ARHGAP26: variants seen among roughly 807,000 people sequenced by gnomAD.
The protein encoded by ARHGAP26 is rho GTPase-activating protein 26.
Under a neutral mutation model 104.8 loss-of-function variants are expected in ARHGAP26, and 38 were observed. That is an observed-to-expected ratio of 0.36 (90% CI 0.28 to 0.48). ARHGAP26 has a LOEUF of 0.48. ARHGAP26 is among the 20% of genes least tolerant of loss of function. The probability of loss-of-function intolerance (pLI) is 0.99; values close to 1 mark genes in which losing one functional copy is unlikely to be tolerated. For missense variants in ARHGAP26, 704 were observed against 947.9 expected (o/e 0.74, Z 3.38); for synonymous variants, 341 against 340.0 (o/e 1.00, Z -0.03).
chr5:143,085,044 CAA>C (rs56852430), intron 17 of ARHGAP26, among the ~76,000 whole-genome samples: 14 of 61,652 alleles, frequency 2.3e-4, no homozygotes, highest in African/African-American at 5.4e-4. Flanking sequence ...GACTCCATCT[CAA>C]AAAAAAAAAA....
intron 20 of ARHGAP26, among the ~76,000 whole-genome samples, chr5:143,192,156 C>T (rs930411132): frequency 3.3e-5 from 5 of 152,102 alleles, no homozygotes; most frequent in Admixed American, 2.0e-4. Flanking sequence ...AGCATCAAGA[C>T]GGGAAGAAAA....
intron 1 of ARHGAP26, among the ~76,000 whole-genome samples, chr5:142,788,110 C>T (rs548950745): frequency 3.3e-5 from 5 of 151,392 alleles, no homozygotes; most frequent in East Asian, 3.9e-4. Flanking sequence ...AAGTGATTCT[C>T]GTGCCTCAGC....
intron 11 of ARHGAP26, among the ~76,000 whole-genome samples, chr5:142,947,825 G>A (rs777867378): frequency 3.3e-5 from 5 of 152,238 alleles, no homozygotes; most frequent in South Asian, 2.1e-4. Context: ...GGCCAAGATC[G>A]TTGAGTATAC....
At chr5:143,135,391 C>T (rs1323700729) in intron 19 of ARHGAP26, among the ~76,000 whole-genome samples, 1 of 152,114 alleles carries the variant, frequency 6.6e-6, no homozygotes, top group Non-Finnish European at 1.5e-5. Flanking sequence ...CCATCATCAT[C>T]ATTATTATAA....
At chr5:142,903,751 C>T (rs1760704389) in intron 8 of ARHGAP26, 82 bp downstream of exon 8, 2 of 1,431,462 alleles carry the variant, frequency 1.4e-6, no homozygotes, top group Non-Finnish European at 1.9e-6. Context: ...GCAGTGCCTA[C>T]CTTACTGTAG....
At chr5:142,977,396 G>A (rs1348645469) in intron 11 of ARHGAP26, among the ~76,000 whole-genome samples, 1 of 152,052 alleles carries the variant, frequency 6.6e-6, no homozygotes, top group Non-Finnish European at 1.5e-5. Flanking sequence ...TTGGCACACA[G>A]AGGGCCATCA....
intron 17 of ARHGAP26, among the ~76,000 whole-genome samples, chr5:143,097,161 A>G (rs888399825): frequency 9.9e-5 from 15 of 152,210 alleles, no homozygotes; most frequent in African/African-American, 3.6e-4. Flanking sequence ...CGACATGGCG[A>G]AACCCCGTCT....
At chr5:143,089,087 T>C (rs1791030864) in intron 17 of ARHGAP26, among the ~76,000 whole-genome samples, 1 of 152,220 alleles carries the variant, frequency 6.6e-6, no homozygotes, top group Non-Finnish European at 1.5e-5. Context: ...GACGTACTGA[T>C]TCTTTGAAAA....
intron 20 of ARHGAP26, among the ~76,000 whole-genome samples, chr5:143,164,171 C>G (rs1206859889): frequency 2.0e-5 from 3 of 151,140 alleles, no homozygotes; most frequent in African/African-American, 7.3e-5. Context: ...TAGTTCATAT[C>G]TTGAAGGATT....
chr5:142,824,867 G>C (rs557129614), intron 1 of ARHGAP26, among the ~76,000 whole-genome samples: 8 of 152,330 alleles, frequency 5.3e-5, no homozygotes, highest in African/African-American at 1.9e-4. Context: ...TTTCAGGAGT[G>C]GGGGAGAATC....
chr5:143,106,912 T>C (rs761652423), intron 17 of ARHGAP26, among the ~76,000 whole-genome samples: 5 of 152,298 alleles, frequency 3.3e-5, no homozygotes, highest in Non-Finnish European at 7.4e-5. Context: ...CACTGTTTGA[T>C]TAATGGGCTC....
At chr5:142,932,970 A>G (rs891836000) in intron 11 of ARHGAP26, among the ~76,000 whole-genome samples, 6 of 152,268 alleles carry the variant, frequency 3.9e-5, no homozygotes, top group African/African-American at 1.4e-4. Flanking sequence ...CTAGTATTGT[A>G]TGACATTTAA....
At chr5:142,964,212 A>G (rs1770875701) in intron 11 of ARHGAP26, among the ~76,000 whole-genome samples, 1 of 152,206 alleles carries the variant, frequency 6.6e-6, no homozygotes, top group East Asian at 1.9e-4. Context: ...GGAGATGAAG[A>G]CATAAAAAAG....
At chr5:142,931,729 G>C (rs1327857925) in intron 10 of ARHGAP26, among the ~76,000 whole-genome samples, 1 of 152,078 alleles carries the variant, frequency 6.6e-6, no homozygotes, top group Non-Finnish European at 1.5e-5. Flanking sequence ...GCGTTTTGAG[G>C]TCTAGAAATG....
chr5:143,028,216 G>A (rs1377780234), intron 12 of ARHGAP26, among the ~76,000 whole-genome samples: 1 of 152,158 alleles, frequency 6.6e-6, no homozygotes, highest in Non-Finnish European at 1.5e-5. Context: ...ACCTAACTGT[G>A]TAGCTCAGAG....
rs1404416252 is a variant in ARHGAP26, at chr5:142,903,611, T to G, written c.774T>G (p.Leu258=). Residue 258 remains leucine (L), a synonymous_variant, in exon 8 of 23, where the codon CTT becomes CTG. Coordinates refer to ENST00000645722, the MANE Select transcript of ARHGAP26 (RefSeq NM_001135608.3). ...SLMKKMKENP[L]EHKTISPYTM... The stretch of plus-strand genomic sequence containing the variant: ...TGAAAAAGATGAAGGAGAATCCCCT[T>G]GAGCACAAGACCATCAGTCCCTACA... The G allele has an allele frequency of 1.2e-6, 2 of 1,614,062 alleles. No homozygotes were observed. Among genetic ancestry groups the G allele is most frequent in the Non-Finnish European group, 1.7e-6 (2 of 1,179,956 alleles).
At chr5:142,941,022 C>T (rs1030113079) in intron 11 of ARHGAP26, among the ~76,000 whole-genome samples, 1 of 139,550 alleles carries the variant, frequency 7.2e-6, no homozygotes, top group South Asian at 2.2e-4. Context: ...TTGCAGTGAG[C>T]CGAGATCATG....
At chr5:142,917,060 G>C (rs1239789148) in intron 10 of ARHGAP26, among the ~76,000 whole-genome samples, 1 of 133,698 alleles carries the variant, frequency 7.5e-6, no homozygotes, top group African/African-American at 2.9e-5. Context: ...TTTTTTTTTA[G>C]ATGGAGTCTT....
At position 143,131,267 on chromosome 5, in the gene ARHGAP26, T is replaced by G. The variant is rs72799971; in HGVS notation, c.1699-2700T>G. ...TTCCTCACCAGTTACTCTTTTTTGT[T>G]TCTCCAGCATTTACTACAGTTCTCA... On this transcript the variant is annotated intron_variant, in intron 18 of 22. Coordinates refer to ENST00000645722, the MANE Select transcript of ARHGAP26 (RefSeq NM_001135608.3). 4.3e-3 allele frequency among the ~76,000 whole-genome samples: 655 copies of G among 152,322 alleles called. 2 individuals are homozygous for G. The highest frequency in any genetic ancestry group is 0.01 in the Middle Eastern group (3 of 294).
Sources: allele counts gnomAD v4.1 joint callset (sites outside exome capture counted in the v4.1 genomes callset), GRCh38; gene constraint gnomAD v4.1.1; transcripts MANE v1.5; gene names NCBI Gene and HGNC (gene_info 2026-07-23, HGNC 2026-07-21).